Variants in CLDN1 observed in about 807,000 individuals in gnomAD.
CLDN1 encodes the protein claudin-1.
A neutral mutation model predicts 22.6 loss-of-function variants in CLDN1; 12 were observed. The ratio of observed to expected loss-of-function variants is 0.53; its 90% CI spans 0.34 to 0.86. The LOEUF is 0.86. Ranked by LOEUF, CLDN1 falls within the 40% of genes least tolerant of loss-of-function variation. The probability of loss-of-function intolerance (pLI) is 0.02; values close to 1 mark genes in which losing one functional copy is unlikely to be tolerated. For synonymous variants in CLDN1, 99 were observed against 103.8 expected (o/e 0.95, Z 0.28); for missense variants, 250 against 269.5 (o/e 0.93, Z 0.51).
Position 190,307,515 on chromosome 3 carries a change from T to C in CLDN1, c.*762A>G, listed in dbSNP as rs191911854. ...GAAGGTCAACAGGAATTTATCACTT[T>C]GGTCATGCAGAAAGATTTGCCTCCA... is the stretch of plus-strand genomic sequence containing the variant. On this transcript the variant is annotated 3_prime_UTR_variant, in exon 4 of 4. Transcript: ENST00000295522. 1.3e-5 allele frequency: 2 copies of C among 152,292 alleles called. No individual in the cohort carries two copies. Among genetic ancestry groups the C allele is most frequent in the East Asian group, 3.9e-4 (2 of 5,174 alleles). The allele number at this position is 152,292 out of a possible 1,614,324, so 9.4% of individuals were successfully genotyped here. A position where few individuals can be genotyped will look rare whatever the true frequency, so the allele number is the denominator to read the frequency against.
chr3:190,321,060 T>C (rs1335038603), intron 1 of CLDN1, among the ~76,000 whole-genome samples: 4 of 152,200 alleles, frequency 2.6e-5, no homozygotes, highest in Non-Finnish European at 5.9e-5. Flanking sequence ...AGGGGGTCAC[T>C]GAACATCCAT....
chr3:190,315,370 C>T (rs895901946), intron 1 of CLDN1, among the ~76,000 whole-genome samples: 8 of 152,098 alleles, frequency 5.3e-5, no homozygotes, highest in East Asian at 1.9e-4. Flanking sequence ...GTCATCCTAA[C>T]GCAGGATGAT....
At chr3:190,313,108 T>C (rs1305934402) in intron 1 of CLDN1, 72 bp from the exon 2 acceptor site, 2 of 1,545,482 alleles carry the variant, frequency 1.3e-6, no homozygotes, top group African/African-American at 1.4e-5. Context: ...GAAGACCAAG[T>C]ATATGTCACT....
chr3:190,315,903 C>T (rs1395413539), intron 1 of CLDN1, among the ~76,000 whole-genome samples: 1 of 152,164 alleles, frequency 6.6e-6, no homozygotes, highest in African/African-American at 2.4e-5. Context: ...GCAAGGAACA[C>T]ATGTGCATAA....
At chr3:190,317,322 C>T (rs1716795305) in intron 1 of CLDN1, among the ~76,000 whole-genome samples, 1 of 152,124 alleles carries the variant, frequency 6.6e-6, no homozygotes, top group South Asian at 2.1e-4. Context: ...ACACAGAAGG[C>T]AGTCTTTTAA....
chr3:190,322,166 G>T lies in CLDN1; in HGVS notation c.41C>A (p.Ala14Asp). The change falls in exon 1 of 4, where the codon GCC (alanine) becomes GAC (aspartate). Residue 14 changes from alanine to aspartate, a missense_variant. Transcript: ENST00000295522. ...GATGGCGCCGATCCATCCCAGGAAG[G>T]CGAGAATGAAGCCCAACAGCTGCAG... Reference protein sequence around the residue: ...AGLQLLGFILAFLGWIGAIVS... With the variant: ...AGLQLLGFILDFLGWIGAIVS... 1 of 1,614,160 alleles carries T rather than the reference G, an allele frequency of 6.2e-7. No individual in the cohort carries two copies. The highest frequency in any genetic ancestry group is 8.5e-7 in the Non-Finnish European group (1 of 1,180,050).
At chr3:190,317,199 T>C (rs1716792717) in intron 1 of CLDN1, among the ~76,000 whole-genome samples, 2 of 152,164 alleles carry the variant, frequency 1.3e-5, no homozygotes, top group Admixed American at 1.3e-4. Context: ...ACCTCTTAAA[T>C]TTGCAGCTAA....
chr3:190,308,084 A>T lies in CLDN1; in HGVS notation c.*193T>A. 1 of 623,796 alleles carries T rather than the reference A, an allele frequency of 1.6e-6. No individual in the cohort carries two copies. The highest frequency in any genetic ancestry group is 1.9e-5 in the South Asian group (1 of 53,000). The allele number at this position is 623,796 out of a possible 1,614,324, so 38.6% of individuals were successfully genotyped here. ...AAATCTTCCCTCCTATATTGAGGAA[A>T]GAAGATAAAATAAGATTAAGCCATG... On this transcript the variant is annotated 3_prime_UTR_variant, in exon 4 of 4. Coordinates refer to ENST00000295522, the MANE Select transcript of CLDN1 (RefSeq NM_021101.5).
rs1014614374 is a variant in CLDN1 at position 190,306,723 on chromosome 3, A to T, written c.*1554T>A. 11 of 152,704 alleles carry T rather than the reference A, an allele frequency of 7.2e-5. No individual in the cohort carries two copies. Among genetic ancestry groups the T allele is most frequent in the African/African-American group, 2.7e-4 (11 of 41,466 alleles). 9.5% of individuals were successfully genotyped at this position (152,704 alleles called of 1,614,324 possible). ...GCTCAAGTGAAATAGCATTCTGTAC[A>T]GACTGGAAAAGTAAGAGCAGTTGTT... On this transcript the variant is annotated 3_prime_UTR_variant, in exon 4 of 4. Transcript: ENST00000295522.
At position 190,306,273 on chromosome 3, in the gene CLDN1, C is replaced by T. The variant is rs1162412062; in HGVS notation, c.*2004G>A. ...TGTTTAGCCACAGAAAGCATCGGGC[C>T]ATACTCACTGCAGAAGATAAGACTT... On this transcript the variant is annotated 3_prime_UTR_variant, in exon 4 of 4. Coordinates refer to ENST00000295522, the MANE Select transcript of CLDN1 (RefSeq NM_021101.5). 1 of 152,216 alleles carries T rather than the reference C, an allele frequency of 6.6e-6. No homozygotes were observed. Among genetic ancestry groups the T allele is most frequent in the Non-Finnish European group, 1.5e-5 (1 of 68,036 alleles). The allele number at this position is 152,216 out of a possible 1,614,324, so 9.4% of individuals were successfully genotyped here. A position where few individuals can be genotyped will look rare whatever the true frequency, so the allele number is the denominator to read the frequency against.
Position 190,312,959 on chromosome 3 carries a change from C to A in CLDN1, c.301G>T (p.Gly101Cys). Residue 101 changes from glycine to cysteine, a missense_variant, in exon 2 of 4, where the codon GGC (glycine) becomes TGC (cysteine). Physicochemically the swap from Gly to Cys is radical, Grantham distance 159 (BLOSUM62 -3). Coordinates refer to ENST00000295522, the MANE Select transcript of CLDN1 (RefSeq NM_021101.5). ...TCCAAGCACTTCATACACTTCATGCCAACGGTGGCCACAAAGATTGCTATC... is the reference window on the plus strand; with the variant it reads ...TCCAAGCACTTCATACACTTCATGCAAACGGTGGCCACAAAGATTGCTATC... ...GVIAIFVATVGMKCMKCLEDD... is the reference protein window; with the variant it reads ...GVIAIFVATVCMKCMKCLEDD... The A allele has an allele frequency of 6.2e-7, 1 of 1,614,174 alleles. No homozygotes were observed. Among genetic ancestry groups the A allele is most frequent in the Non-Finnish European group, 8.5e-7 (1 of 1,180,026 alleles).
Position 190,322,066 on chromosome 3 carries a change from G to A in CLDN1, c.141C>T (p.Tyr47=). The A allele has an allele frequency of 1.2e-6, 2 of 1,614,192 alleles. No homozygotes were observed. Among genetic ancestry groups the A allele is most frequent in the Non-Finnish European group, 8.5e-7 (1 of 1,180,028 alleles). Residue 47 remains tyrosine (Y), a synonymous_variant, in exon 1 of 4, where the codon TAC becomes TAT. Transcript: ENST00000295522. ...ACACGCAGGACATCCACAGCCCCTC[G>A]TACATGGCCTGGGCGGTCACGATGT... The part of the protein sequence containing the change: ...GDNIVTAQAM[Y]EGLWMSCVSQ...
At position 190,312,930 on chromosome 3, in the gene CLDN1, G is replaced by A. The variant is rs780474006; in HGVS notation, c.330C>T (p.Asp110=). ...VGMKCMKCLE[D]DEVQKMRMAV... ...CCATCCTCATCTTCTGCACCTCATCGTCTTCCAAGCACTTCATACACTTCA... is the reference window on the plus strand; with the variant it reads ...CCATCCTCATCTTCTGCACCTCATCATCTTCCAAGCACTTCATACACTTCA... Residue 110 remains aspartate (D), a synonymous_variant, in exon 2 of 4, where the codon GAC becomes GAT. Coordinates refer to ENST00000295522, the MANE Select transcript of CLDN1 (RefSeq NM_021101.5). 9.3e-6 allele frequency: 15 copies of A among 1,614,034 alleles called. No homozygotes were observed. Among genetic ancestry groups the A allele is most frequent in the Admixed American group, 3.3e-5 (2 of 60,006 alleles).
At chr3:190,321,934 AGG>A (rs1195479094) in intron 1 of CLDN1, 48 bp downstream of exon 1, 2 of 1,427,460 alleles carry the variant, frequency 1.4e-6, no homozygotes. Context: ...AGGGAGCTGC[AGG>A]GGGACTGGGG....
chr3:190,308,529 T>C (rs1716524191), intron 3 of CLDN1, 90 bp from the exon 4 acceptor site: 2 of 1,242,140 alleles, frequency 1.6e-6, no homozygotes, highest in Non-Finnish European at 2.3e-6. Flanking sequence ...ATACTCATTG[T>C]ATTTTTTTCA....
chr3:190,308,896 T>C (rs1242562670), intron 3 of CLDN1, among the ~76,000 whole-genome samples: 1 of 152,128 alleles, frequency 6.6e-6, no homozygotes, highest in African/African-American at 2.4e-5. Flanking sequence ...ACCTATACAA[T>C]CTGAAATCCA....
In CLDN1 at chr3:190,308,282, C is replaced by T. The variant is rs147881276; in HGVS notation, c.631G>A (p.Val211Met). 219 of 1,613,744 alleles carry T rather than the reference C, an allele frequency of 1.4e-4. No individual in the cohort carries two copies. The highest frequency in any genetic ancestry group is 1.0e-3 in the South Asian group (91 of 91,072). The change falls in exon 4 of 4, where the codon GTG becomes ATG. Residue 211 changes from valine (V) to methionine (M), a missense_variant. Coordinates refer to ENST00000295522, the MANE Select transcript of CLDN1 (RefSeq NM_021101.5). ...TTTCTCCTTTTGCCTCTGTGTCACA[C>T]GTAGTCTTTCCCGCTGGAAGGTGCA... ...KPAPSSGKDY[V>M]
At position 190,306,934 on chromosome 3, in the gene CLDN1, T is replaced by C. The variant is rs570907298; in HGVS notation, c.*1343A>G. On this transcript the variant is annotated 3_prime_UTR_variant, in exon 4 of 4. Coordinates refer to ENST00000295522, the MANE Select transcript of CLDN1 (RefSeq NM_021101.5). The stretch of plus-strand genomic sequence containing the variant: ...GTGTGTAGGTTTTGTTCAGTGGAAA[T>C]AGACTGGTAGAGAGAGGAAGGCAGT... The C allele has an allele frequency of 1.3e-5, 2 of 152,606 alleles. No individual in the cohort carries two copies. The highest frequency in any genetic ancestry group is 6.5e-5 in the Admixed American group (1 of 15,274). The allele number at this position is 152,606 out of a possible 1,614,324, so 9.5% of individuals were successfully genotyped here. A position where few individuals can be genotyped will look rare whatever the true frequency, so the allele number is the denominator to read the frequency against.
chr3:190,309,249 A>G (rs1361133277), intron 3 of CLDN1, among the ~76,000 whole-genome samples: 3 of 152,188 alleles, frequency 2.0e-5, no homozygotes, highest in Admixed American at 2.0e-4. Flanking sequence ...GCAATTTATA[A>G]AGTGCTTTCC....
Sources: gnomAD v4.1 joint callset for allele counts (sites outside exome capture counted in the v4.1 genomes callset) on GRCh38, gnomAD v4.1.1 for gene constraint, MANE v1.5 for transcripts, NCBI Gene and HGNC (gene_info 2026-07-23, HGNC 2026-07-21) for gene names.